ARHGEF1: variants seen among roughly 807,000 people sequenced by gnomAD.
ARHGEF1 encodes the protein 115 kDa guanine nucleotide exchange factor.
Under a neutral mutation model 119.7 loss-of-function variants are expected in ARHGEF1, and 40 were observed. The observed-to-expected ratio is 0.33, with a 90% CI of 0.26 to 0.44. The LOEUF (loss-of-function observed/expected upper bound fraction) is 0.44. ARHGEF1 is among the 20% of genes least tolerant of loss of function. ARHGEF1 has a pLI of 1.00. For synonymous variants in ARHGEF1, 494 were observed against 521.0 expected (o/e 0.95, Z 0.71); for missense variants, 976 against 1,268.3 (o/e 0.77, Z 3.50).
Position 41,903,492 on chromosome 19 carries a change from C to A in ARHGEF1, c.1839+85C>A, listed in dbSNP as rs567798043. 4.4e-6 allele frequency: 6 copies of A among 1,349,894 alleles called. No homozygotes were observed. The South Asian group carries it at 7.3e-5, about 16-fold the overall frequency. 83.6% of individuals were successfully genotyped at this position (1,349,894 alleles called of 1,614,324 possible). A position where few individuals can be genotyped will look rare whatever the true frequency, so the allele number is the denominator to read the frequency against. ...CCTACCTCAGCCTGTCCAGAAGTCA[C>A]ACCCCACCCCTTGGCTTGTCTCCCT... On this transcript the variant is annotated intron_variant, in intron 19 of 28. Coordinates refer to ENST00000354532, the MANE Select transcript of ARHGEF1 (RefSeq NM_004706.4). The surrounding 1 kb of genome is among the most constrained non-coding windows in gnomAD (Gnocchi z 4.2).
At position 41,905,379 on chromosome 19, in the gene ARHGEF1, G is replaced by A. The variant is rs11881323; in HGVS notation, c.2336+118G>A. 8.0e-3 allele frequency: 6,965 copies of A among 869,644 alleles called. 332 individuals are homozygous for A. In the African/African-American group the frequency reaches 0.1, roughly 13 times the overall value. 53.9% of individuals were successfully genotyped at this position (869,644 alleles called of 1,614,324 possible). A position where few individuals can be genotyped will look rare whatever the true frequency, so the allele number is the denominator to read the frequency against. ...TGAGCATGCACATGTGTGAATGCAT[G>A]TGTGTGCATACATGTGTGTCTGTAC... On this transcript the variant is annotated intron_variant, in intron 24 of 28. Coordinates refer to ENST00000354532, the MANE Select transcript of ARHGEF1 (RefSeq NM_004706.4). This position sits in a 1 kb window ranked among gnomAD's most constrained non-coding sequence, Gnocchi z 6.4.
intron 13 of ARHGEF1, chr19:41,898,083 C>T (rs1384705148): frequency 2.2e-6 from 3 of 1,361,872 alleles, no homozygotes; most frequent in Non-Finnish European, 2.8e-6. Flanking sequence ...AGTTCCGCCA[C>T]GGCAGTGCTT....
intron 8 of ARHGEF1, 72 bp from the exon 9 acceptor site, chr19:41,894,135 A>AGTGTGTGTGTGTGTGTGTGT (rs35797687): frequency 6.0e-5 from 29 of 486,072 alleles, no homozygotes; most frequent in African/African-American, 4.4e-4. Flanking sequence ...TGTGTGTGTG[A>AGTGTGTGTGTGTGTGTGTGT]GTGTGTGTGT....
chr19:41,901,161 GT>G (rs1284991537), intron 14 of ARHGEF1, among the ~76,000 whole-genome samples: 1 of 150,310 alleles, frequency 6.7e-6, no homozygotes, highest in East Asian at 2.0e-4. Flanking sequence ...GTTTTGTTTT[GT>G]TTTTTTGAGA....
At position 41,916,766 on chromosome 19, in the gene ARHGEF1, G is replaced by A. The variant is rs573541833; in HGVS notation, c.1866-6326G>A. Among the ~76,000 whole-genome samples the A allele has an allele frequency of 5.3e-5, 8 of 150,936 alleles. 1 individual carries two copies. The South Asian group carries it at 1.3e-3, about 24-fold the overall frequency. On this transcript the variant is annotated intron_variant, in intron 18 of 20. Coordinates refer to the ARHGEF1 transcript ENST00000599589. This position sits in a 1 kb window ranked among gnomAD's most constrained non-coding sequence, Gnocchi z 5.4. ...ACCAACCCAGACAGCCAACGCACACGGCCACACACACACCCATTCACAGAC... is the reference window on the plus strand; with the variant it reads ...ACCAACCCAGACAGCCAACGCACACAGCCACACACACACCCATTCACAGAC...
intron 18 of ARHGEF1, among the ~76,000 whole-genome samples, chr19:41,914,968 C>G (rs1555851784): frequency 7.4e-5 from 5 of 67,698 alleles, no homozygotes; most frequent in South Asian, 6.2e-4. Flanking sequence ...CTCTGTCTCT[C>G]CCTCCCTCCC....
downstream of ARHGEF1, chr19:41,907,617 T>TAC: frequency 1.8e-6 from 1 of 552,600 alleles, no homozygotes; most frequent in Non-Finnish European, 3.1e-6. Flanking sequence ...AGGCACTCCG[T>TAC]ACACACACTG....
intron 1 of ARHGEF1, chr19:41,884,499 G>A (rs2074263643): frequency 1.9e-6 from 3 of 1,607,178 alleles, no homozygotes; most frequent in Non-Finnish European, 2.5e-6. Context: ...AGCAGGTGAG[G>A]GACGCGGTCC....
At chr19:41,925,945 C>T (rs1486154122) in intron 1 of ARHGEF1, among the ~76,000 whole-genome samples, 1 of 151,756 alleles carries the variant, frequency 6.6e-6, no homozygotes, top group Non-Finnish European at 1.5e-5. Context: ...TAGCAGGTTG[C>T]ATGTGTGAGT....
In ARHGEF1 at chr19:41,903,344, C is replaced by G; in HGVS notation, c.1776C>G (p.Ala592=). 2 of 1,613,886 alleles carry G rather than the reference C, an allele frequency of 1.2e-6. No individual in the cohort carries two copies. The highest frequency in any genetic ancestry group is 1.7e-6 in the Non-Finnish European group (2 of 1,180,012). The change falls in exon 19 of 29, where the codon GCC becomes GCG. Residue 592 remains alanine, a synonymous_variant. Transcript: ENST00000354532. This position sits in a 1 kb window ranked among gnomAD's most constrained non-coding sequence, Gnocchi z 4.2. ...AACGGGAGAAAGTGGAGCTGGCAGC[C>G]GAGTGCTGCCGGGAAATTCTACACC... The part of the protein sequence containing the change: ...PTEREKVELA[A]ECCREILHHV...
chr19:41,894,245 A>G lies in ARHGEF1; in HGVS notation c.683A>G (p.His228Arg), dbSNP rs2074439207. The change falls in exon 9 of 29, where the codon CAC (histidine) becomes CGC (arginine). Residue 228 changes from histidine to arginine, a missense_variant. Physicochemically the swap from His to Arg is conservative, Grantham distance 29. This residue lies in a region of ARHGEF1 where 519 missense variants were observed against 580.9 expected (regional missense o/e 0.89). Coordinates refer to ENST00000354532, the MANE Select transcript of ARHGEF1 (RefSeq NM_004706.4). ...AACGCCATTGGCCTGTACATGCGCC[A>G]CCTTGGGGTGCGGACCAAGAGTGGA... ...VVNAIGLYMR[H>R]LGVRTKSGDK... 1 of 1,560,858 alleles carries G rather than the reference A, an allele frequency of 6.4e-7. No individual in the cohort carries two copies. Among genetic ancestry groups the G allele is most frequent in the South Asian group, 1.2e-5 (1 of 84,718 alleles).
At chr19:41,908,487 C>T (rs1022740272), downstream of ARHGEF1, 3 of 1,231,492 alleles carry the variant, frequency 2.4e-6, no homozygotes, top group Middle Eastern at 3.1e-4. This position sits in a 1 kb window ranked among gnomAD's most constrained non-coding sequence, Gnocchi z 6.7. Flanking sequence ...GGGGCCTCCC[C>T]CTGCCCCTGA....
In ARHGEF1 at chr19:41,894,222, C is replaced by CGCCATG; in HGVS notation, c.665_666insGGCCAT (p.Ala221_Ile222insMetAla). On this transcript the variant is annotated inframe_insertion, in exon 9 of 29. Transcript: ENST00000354532. ...TTCCCTACAGTGCTGCCGTGGTCAA[C>CGCCATG]GCCATTGGCCTGTACATGCGCCACC... is the stretch of plus-strand genomic sequence containing the variant. 6.5e-7 allele frequency: 1 copy of CGCCATG among 1,537,648 alleles called. No homozygotes were observed. Among genetic ancestry groups the CGCCATG allele is most frequent in the Non-Finnish European group, 8.8e-7 (1 of 1,139,454 alleles).
At chr19:41,896,968 C>T (rs782246186) in intron 13 of ARHGEF1, 14 of 401,096 alleles carry the variant, frequency 3.5e-5, no homozygotes, top group South Asian at 2.4e-4. Flanking sequence ...CCCCTCCTCT[C>T]TTTCCTCCCC....
At chr19:41,912,880 G>A (rs1050663090) in intron 18 of ARHGEF1, 11 of 1,231,210 alleles carry the variant, frequency 8.9e-6, no homozygotes, top group Non-Finnish European at 1.1e-5. Context: ...GGCAGGGCGG[G>A]CGGGGCGAAG....
At chr19:41,919,350 A>T (rs1426988090), upstream of ARHGEF1, among the ~76,000 whole-genome samples, 3 of 152,196 alleles carry the variant, frequency 2.0e-5, no homozygotes, top group Non-Finnish European at 4.4e-5. Context: ...ACAGCCACAC[A>T]TAAACATGCA....
rs782354288 is a variant in ARHGEF1 at position 41,892,649 on chromosome 19, C to T, written c.414C>T (p.Phe138=). 21 of 1,612,418 alleles carry T rather than the reference C, an allele frequency of 1.3e-5. No homozygotes were observed. The highest frequency in any genetic ancestry group is 1.0e-4 in the Admixed American group (6 of 59,904). Residue 138 remains phenylalanine (F), a synonymous_variant, in exon 7 of 29, where the codon TTC becomes TTT. Coordinates refer to ENST00000354532, the MANE Select transcript of ARHGEF1 (RefSeq NM_004706.4). This position sits in a 1 kb window ranked among gnomAD's most constrained non-coding sequence, Gnocchi z 6.3. The part of the protein sequence containing the change: ...DLISEDVQRR[F]VQEVVQSQQV... ...TCTCCGAGGATGTCCAGCGGCGGTT[C>T]GTGCAGGAGGTGGTGCAAAGCCAGC...
rs1387328231 is a variant in ARHGEF1, at chr19:41,916,521, GAC to G, written c.1866-6567_1866-6566del. Among the ~76,000 whole-genome samples, 1 of 151,830 alleles carries G rather than the reference GAC, an allele frequency of 6.6e-6. No individual in the cohort carries two copies. Among genetic ancestry groups the G allele is most frequent in the Non-Finnish European group, 1.5e-5 (1 of 67,980 alleles). ...CAATTCAATCTCACACAGAAACAAA[GAC>G]ACAAAATCACAAATCCTAGACACAC... is the stretch of plus-strand genomic sequence containing the variant. On this transcript the variant is annotated intron_variant, in intron 18 of 20. Transcript: ENST00000599589. This position sits in a 1 kb window ranked among gnomAD's most constrained non-coding sequence, Gnocchi z 5.4.
At chr19:41,911,432 C>T (rs782139595), downstream of ARHGEF1, among the ~76,000 whole-genome samples, 22 of 152,184 alleles carry the variant, frequency 1.4e-4, no homozygotes, top group African/African-American at 1.9e-4. Context: ...AGACCAGCAT[C>T]GCCGTGTCCA....
Sources: allele counts gnomAD v4.1 joint callset (sites outside exome capture counted in the v4.1 genomes callset), GRCh38; gene constraint gnomAD v4.1.1; regional missense constraint gnomAD v4.1.1; non-coding constraint Gnocchi (gnomAD v3.1); transcripts MANE v1.5; gene names NCBI Gene and HGNC (gene_info 2026-07-23, HGNC 2026-07-21).